Variants in TWIST2 observed in about 807,000 individuals in gnomAD.
The protein encoded by TWIST2 is twist family bHLH transcription factor 2.
A neutral mutation model predicts 11.6 loss-of-function variants in TWIST2; 1 was observed. The observed-to-expected ratio is 0.09, with a 90% confidence interval of 0.03 to 0.41. The LOEUF (loss-of-function observed/expected upper bound fraction) is 0.41, where lower values mean the gene tolerates loss of function less well. Among genes scored for constraint, TWIST2 ranks in the 10% least tolerant of loss-of-function variants. TWIST2 has a pLI of 0.98. For missense variants in TWIST2, 168 were observed against 226.4 expected, an observed-to-expected ratio of 0.74 and a Z score of 1.66; for synonymous variants, 87 against 96.6, an observed-to-expected ratio of 0.90 and a Z score of 0.58.
rs1168629176 is a variant in TWIST2, at chr2:238,894,360, C to T, written c.*36-15482C>T. 2.6e-5 allele frequency among the ~76,000 whole-genome samples: 4 copies of T among 152,152 alleles called. No homozygotes were observed. In the South Asian group the frequency reaches 8.3e-4, roughly 32 times the overall value. Reference sequence around the variant, plus strand: ...AGTCTAGCTTCTGGGTCAGGATGCACCCAGCCACCCAAGCTGGGCCCCTGA... The same window carrying T: ...AGTCTAGCTTCTGGGTCAGGATGCATCCAGCCACCCAAGCTGGGCCCCTGA... On this transcript the variant is annotated intron_variant, in intron 1 of 1. Coordinates refer to ENST00000612363, the MANE Select transcript of TWIST2 (RefSeq NM_001271893.4).
chr2:238,907,840 A>AC (rs1275005636), intron 1 of TWIST2, among the ~76,000 whole-genome samples: 15 of 4,234 alleles, frequency 3.5e-3, no homozygotes, highest in African/African-American at 9.8e-3. Flanking sequence ...CACTACACAC[A>AC]CACCCCCACA....
Position 238,867,571 on chromosome 2 carries a change from A to G in TWIST2, c.*35+18838A>G, listed in dbSNP as rs890638112. 6.6e-6 allele frequency among the ~76,000 whole-genome samples: 1 copy of G among 152,134 alleles called. No individual in the cohort carries two copies. The highest frequency in any genetic ancestry group is 2.4e-5 in the African/African-American group (1 of 41,430). On this transcript the variant is annotated intron_variant, in intron 1 of 1. Transcript: ENST00000612363. This position sits in a 1 kb window ranked among gnomAD's most constrained non-coding sequence, Gnocchi z 4.8. Reference sequence around the variant, plus strand: ...CTGGGAACCCTTTGATAAACAGGAAAGAATATTTTCACTTTGGCACAGGCC... The same window carrying G: ...CTGGGAACCCTTTGATAAACAGGAAGGAATATTTTCACTTTGGCACAGGCC...
chr2:238,882,892 G>C (rs763018409), intron 1 of TWIST2, among the ~76,000 whole-genome samples: 2 of 152,164 alleles, frequency 1.3e-5, no homozygotes, highest in Non-Finnish European at 2.9e-5. Context: ...GAGCTGAGGG[G>C]CAGATGACCG....
intron 1 of TWIST2, among the ~76,000 whole-genome samples, chr2:238,905,077 G>A (rs1180776073): frequency 2.6e-5 from 4 of 152,134 alleles, no homozygotes; most frequent in African/African-American, 7.2e-5. Flanking sequence ...GGCAGGTGAG[G>A]AGATGGATAA....
At chr2:238,898,484 A>T (rs989496585) in intron 1 of TWIST2, among the ~76,000 whole-genome samples, 4 of 152,228 alleles carry the variant, frequency 2.6e-5, no homozygotes, top group African/African-American at 9.6e-5. Context: ...TAGAATGCCC[A>T]TGAGGCCATT....
chr2:238,906,240 A>C (rs1693352841), intron 1 of TWIST2, among the ~76,000 whole-genome samples: 1 of 151,764 alleles, frequency 6.6e-6, no homozygotes, highest in African/African-American at 2.4e-5. Context: ...ACACGGACCC[A>C]CGCACACAGA....
rs1692464262 is a variant in TWIST2 at position 238,863,154 on chromosome 2, G to A, written c.*35+14421G>A. 6.6e-6 allele frequency among the ~76,000 whole-genome samples: 1 copy of A among 151,856 alleles called. No individual in the cohort carries two copies. The highest frequency in any genetic ancestry group is 1.5e-5 in the Non-Finnish European group (1 of 68,002). On this transcript the variant is annotated intron_variant, in intron 1 of 1. Coordinates refer to ENST00000612363, the MANE Select transcript of TWIST2 (RefSeq NM_001271893.4). The surrounding 1 kb of genome is among the most constrained non-coding windows in gnomAD (Gnocchi z 4.7). ...TGTAAAGATAGTGTGGCAGGCACATGCTGACCGACCCTCCCTCCAGAGAAG... is the reference window on the plus strand; with the variant it reads ...TGTAAAGATAGTGTGGCAGGCACATACTGACCGACCCTCCCTCCAGAGAAG...
intron 1 of TWIST2, among the ~76,000 whole-genome samples, chr2:238,909,206 A>G (rs1360585095): frequency 8.9e-3 from 21 of 2,360 alleles, no homozygotes; most frequent in African/African-American, 0.011. Flanking sequence ...GTGTGTGTGT[A>G]TGTGGGGTGG....
At chr2:238,849,542 C>T (rs1253792820) in intron 1 of TWIST2, among the ~76,000 whole-genome samples, 1 of 152,168 alleles carries the variant, frequency 6.6e-6, no homozygotes, top group African/African-American at 2.4e-5. Context: ...CCAACCTTGA[C>T]CCTGGAGTAC....
chr2:238,884,615 G>C (rs937785634), intron 1 of TWIST2, among the ~76,000 whole-genome samples: 2 of 152,348 alleles, frequency 1.3e-5, no homozygotes, highest in East Asian at 3.9e-4. Context: ...CTTCACACCT[G>C]CCAGGGGGCT....
At chr2:238,872,813 G>A (rs1692730980) in intron 1 of TWIST2, among the ~76,000 whole-genome samples, 1 of 152,198 alleles carries the variant, frequency 6.6e-6, no homozygotes, top group South Asian at 2.1e-4. Context: ...CGGGCATACG[G>A]CCCAGAGGCA....
rs186118960 is a variant in TWIST2, at chr2:238,867,431, G to T, written c.*35+18698G>T. ...CACACACTCCTCAGTAAAATACCCAGTTCTCACCAGGCTTTATGCAGTGGC... is the reference window on the plus strand; with the variant it reads ...CACACACTCCTCAGTAAAATACCCATTTCTCACCAGGCTTTATGCAGTGGC... On this transcript the variant is annotated intron_variant, in intron 1 of 1. Transcript: ENST00000612363. This position sits in a 1 kb window ranked among gnomAD's most constrained non-coding sequence, Gnocchi z 4.8. Among the ~76,000 whole-genome samples the T allele has an allele frequency of 2.7e-3, 372 of 136,122 alleles. 1 individual carries two copies. Among genetic ancestry groups the T allele is most frequent in the African/African-American group, 9.6e-3 (353 of 36,952 alleles). The allele number at this position is 136,122 out of a possible 152,430, so 89.3% of individuals were successfully genotyped here. A position where few individuals can be genotyped will look rare whatever the true frequency, so the allele number is the denominator to read the frequency against.
rs1296250263 is a variant in TWIST2 at position 238,863,013 on chromosome 2, A to T, written c.*35+14280A>T. ...ATGAATGTCTCTGGACCAAAAGTTGATGAAAGAGCTTCCTTTCCTTCTTAT... is the reference window on the plus strand; with the variant it reads ...ATGAATGTCTCTGGACCAAAAGTTGTTGAAAGAGCTTCCTTTCCTTCTTAT... On this transcript the variant is annotated intron_variant, in intron 1 of 1. Transcript: ENST00000612363. This position sits in a 1 kb window ranked among gnomAD's most constrained non-coding sequence, Gnocchi z 4.7. Among the ~76,000 whole-genome samples the T allele has an allele frequency of 1.3e-5, 2 of 150,446 alleles. No homozygotes were observed. Among genetic ancestry groups the T allele is most frequent in the African/African-American group, 4.9e-5 (2 of 41,024 alleles).
chr2:238,870,046 G>C (rs1406584065), intron 1 of TWIST2, among the ~76,000 whole-genome samples: 1 of 147,546 alleles, frequency 6.8e-6, no homozygotes, highest in African/African-American at 2.6e-5. Context: ...AAGACAGTAC[G>C]GAGGGTCCTC....
rs139297389 is a variant in TWIST2 at position 238,887,552 on chromosome 2, C to T, written c.*36-22290C>T. Among the ~76,000 whole-genome samples, 1,067 of 152,318 alleles carry T rather than the reference C, an allele frequency of 7.0e-3. 6 individuals are homozygous for T. The highest frequency in any genetic ancestry group is 0.024 in the African/African-American group (1,008 of 41,580). On this transcript the variant is annotated intron_variant, in intron 1 of 1. Transcript: ENST00000612363. ...CCCTTGCTTTGGCACTGGAGGCAGA[C>T]TTGGTGGTCCTCTGGAAAGTCGACT...
At chr2:238,861,445 C>T (rs1692434160) in intron 1 of TWIST2, among the ~76,000 whole-genome samples, 2 of 152,138 alleles carry the variant, frequency 1.3e-5, no homozygotes, top group African/African-American at 4.8e-5. Flanking sequence ...TGTAGGGTAA[C>T]TAGAAAGGGC....
Position 238,891,551 on chromosome 2 carries a change from C to T in TWIST2, c.*36-18291C>T, listed in dbSNP as rs116702347. Among the ~76,000 whole-genome samples, 1,282 of 152,150 alleles carry T rather than the reference C, an allele frequency of 8.4e-3. 3 individuals are homozygous for T. Among genetic ancestry groups the T allele is most frequent in the Non-Finnish European group, 0.012 (816 of 67,996 alleles). On this transcript the variant is annotated intron_variant, in intron 1 of 1. Transcript: ENST00000612363. ...TAGGGGGAGCTGGAGGGTGAGAGGA[C>T]GGTCTGGCAAACGTCCTTCCCCTGG... is the stretch of plus-strand genomic sequence containing the variant.
At position 238,864,157 on chromosome 2, in the gene TWIST2, A is replaced by G. The variant is rs1033494553; in HGVS notation, c.*35+15424A>G. ...TCCTTTTCGGAGAGATGACTGAAAT[A>G]TTTGTAAGTTTCCATCAGCATGGGG... On this transcript the variant is annotated intron_variant, in intron 1 of 1. Coordinates refer to ENST00000612363, the MANE Select transcript of TWIST2 (RefSeq NM_001271893.4). The surrounding 1 kb of genome is among the most constrained non-coding windows in gnomAD (Gnocchi z 4.7). Among the ~76,000 whole-genome samples, 1 of 151,410 alleles carries G rather than the reference A, an allele frequency of 6.6e-6. No homozygotes were observed. Among genetic ancestry groups the G allele is most frequent in the Non-Finnish European group, 1.5e-5 (1 of 67,918 alleles).
intron 1 of TWIST2, among the ~76,000 whole-genome samples, chr2:238,883,529 C>T (rs777398029): frequency 8.5e-5 from 13 of 152,140 alleles, no homozygotes; most frequent in South Asian, 4.1e-4. Context: ...CAGAGCGAGG[C>T]GGAGATGGCC....
Sources: allele counts gnomAD v4.1 joint callset (sites outside exome capture counted in the v4.1 genomes callset), GRCh38; gene constraint gnomAD v4.1.1; non-coding constraint Gnocchi (gnomAD v3.1); transcripts MANE v1.5; gene names NCBI Gene and HGNC (gene_info 2026-07-23, HGNC 2026-07-21).